The following DEF8 variants were observed in gnomAD, a reference collection of about 807,000 sequenced individuals.
DEF8 encodes differentially expressed in FDCP 8 homolog, also known as DEF-8.
A neutral mutation model predicts 59.1 loss-of-function variants in DEF8; 38 were observed. The ratio of observed to expected loss-of-function variants is 0.64; its 90% CI spans 0.50 to 0.84. The LOEUF (loss-of-function observed/expected upper bound fraction) is 0.84, where lower values mean the gene tolerates loss of function less well. Among genes scored for constraint, DEF8 ranks in the 40% least tolerant of loss-of-function variants. The pLI is 0.00. For synonymous variants in DEF8, 265 were observed against 250.1 expected (o/e 1.06, Z -0.56); for missense variants, 557 against 615.2 (o/e 0.91, Z 1.00).
intron 5 of DEF8, chr16:89,957,932 G>T: frequency 3.5e-6 from 1 of 284,632 alleles, no homozygotes; most frequent in Non-Finnish European, 6.6e-6. Flanking sequence ...GTATTTGCTT[G>T]GTGACTGGAA....
At chr16:89,963,994 G>A in intron 10 of DEF8, 176 bp from the exon 11 acceptor site, 1 of 834,260 alleles carries the variant, frequency 1.2e-6, no homozygotes. Flanking sequence ...ACGTGGCCCG[G>A]GTCCATCTTC....
At chr16:89,964,640 C>T in intron 12 of DEF8, 65 bp downstream of exon 12, 3 of 1,277,910 alleles carry the variant, frequency 2.3e-6, no homozygotes, top group Non-Finnish European at 3.3e-6. Flanking sequence ...GGGAGCTGCC[C>T]CTTGGCCTCC....
At chr16:89,953,604 T>C (rs1289768841) in intron 2 of DEF8, among the ~76,000 whole-genome samples, 1 of 152,176 alleles carries the variant, frequency 6.6e-6, no homozygotes, top group Non-Finnish European at 1.5e-5. Context: ...AGGGGGCTTC[T>C]CTGTGTGCTG....
chr16:89,953,582 G>C (rs1167528137), intron 2 of DEF8, among the ~76,000 whole-genome samples: 1 of 152,218 alleles, frequency 6.6e-6, no homozygotes, highest in Non-Finnish European at 1.5e-5. Context: ...CAGAGAGCCT[G>C]GATGCATTTG....
chr16:89,957,132 G>A (rs966973699), intron 4 of DEF8: 2 of 162,842 alleles, frequency 1.2e-5, no homozygotes, highest in African/African-American at 4.8e-5. Context: ...GCCACTTACT[G>A]TCCTTCATGA....
intron 6 of DEF8, among the ~76,000 whole-genome samples, chr16:89,960,504 G>A (rs912408153): frequency 1.3e-5 from 2 of 151,972 alleles, no homozygotes; most frequent in African/African-American, 4.8e-5. Flanking sequence ...GCAAGACCCT[G>A]TCTCTTAAAA....
rs377747411 is a variant in DEF8 at position 89,958,992 on chromosome 16, C to G, written c.373-22C>G. ...TTCAGCCCAGCTCACCTGTGACCCC[C>G]TCCCTGACTCACCCTCTGCAGGACC... On this transcript the variant is annotated intron_variant, in intron 5 of 12. Coordinates refer to ENST00000563594, the MANE Select transcript of DEF8 (RefSeq NM_001242818.2). 2.4e-5 allele frequency: 38 copies of G among 1,607,438 alleles called. 1 individual carries two copies. The East Asian group carries it at 3.8e-4, about 16-fold the overall frequency.
intron 1 of DEF8, among the ~76,000 whole-genome samples, 200 bp downstream of exon 1, chr16:89,949,014 G>C (rs1468694761): frequency 4.2e-5 from 3 of 71,558 alleles, no homozygotes; most frequent in African/African-American, 2.5e-4. Context: ...TCGGGGCTGG[G>C]AGGGACGGGG....
Position 89,959,163 on chromosome 16 carries a change from G to A in DEF8, c.514+8G>A, listed in dbSNP as rs1191098217. 1.3e-5 allele frequency: 21 copies of A among 1,613,770 alleles called. No homozygotes were observed. The highest frequency in any genetic ancestry group is 8.3e-5 in the Admixed American group (5 of 60,006). ...CCTGGTACACCTGCACAGGTGGGCC[G>A]AGACCCAGACGAGGAGTGAGGAATG... On this transcript the variant is annotated splice_region_variant and intron_variant, in intron 6 of 12. Transcript: ENST00000563594.
At chr16:89,955,626 G>C (rs901089307) in intron 4 of DEF8, among the ~76,000 whole-genome samples, 116 of 152,296 alleles carry the variant, frequency 7.6e-4, no homozygotes, top group African/African-American at 2.7e-3. Flanking sequence ...CTGTACACTT[G>C]CCGAGAGTCA....
chr16:89,949,279 T>G (rs2031487257), intron 1 of DEF8, 138 bp from the exon 2 acceptor site: 1 of 719,566 alleles, frequency 1.4e-6, no homozygotes, highest in Admixed American at 3.1e-5. Context: ...CGCCCTGGGC[T>G]GCTCCGAGCC....
At chr16:89,952,293 C>T (rs1396823228) in intron 2 of DEF8, among the ~76,000 whole-genome samples, 3 of 152,196 alleles carry the variant, frequency 2.0e-5, no homozygotes, top group Non-Finnish European at 4.4e-5. Flanking sequence ...CTACCACGCC[C>T]GGCCCATTAC....
rs1270139523 is a variant in DEF8 at position 89,968,042 on chromosome 16, A to G, written c.*2079A>G. The stretch of plus-strand genomic sequence containing the variant: ...GTAACAATGCTGCTGTCACTGTCTC[A>G]TTAAATATACATCCTTTAGCCTGGT... On this transcript the variant is annotated 3_prime_UTR_variant, in exon 13 of 13. Coordinates refer to ENST00000563594, the MANE Select transcript of DEF8 (RefSeq NM_001242818.2). 3 of 152,364 alleles carry G rather than the reference A, an allele frequency of 2.0e-5. No homozygotes were observed. Among genetic ancestry groups the G allele is most frequent in the Admixed American group, 6.5e-5 (1 of 15,294 alleles). 9.4% of individuals were successfully genotyped at this position (152,364 alleles called of 1,614,324 possible).
In DEF8 at chr16:89,954,492, C is replaced by G; in HGVS notation, c.124+116C>G. ...CCCTGGCTTTCCCACGGAGCCGGCACCTGCTGGCTGTGTTCTTTTTCCCAT... is the reference window on the plus strand; with the variant it reads ...CCCTGGCTTTCCCACGGAGCCGGCAGCTGCTGGCTGTGTTCTTTTTCCCAT... On this transcript the variant is annotated intron_variant, in intron 3 of 12. Coordinates refer to ENST00000563594, the MANE Select transcript of DEF8 (RefSeq NM_001242818.2). The surrounding 1 kb of genome is among the most constrained non-coding windows in gnomAD (Gnocchi z 4.3). 19 of 1,144,150 alleles carry G rather than the reference C, an allele frequency of 1.7e-5. No individual in the cohort carries two copies. The highest frequency in any genetic ancestry group is 2.4e-5 in the East Asian group (1 of 40,982). The allele number at this position is 1,144,150 out of a possible 1,614,324, so 70.9% of individuals were successfully genotyped here. A position where few individuals can be genotyped will look rare whatever the true frequency, so the allele number is the denominator to read the frequency against.
chr16:89,963,524 A>G, intron 10 of DEF8, 81 bp downstream of exon 10: 1 of 1,258,468 alleles, frequency 7.9e-7, no homozygotes, highest in Non-Finnish European at 1.1e-6. Context: ...TTTTTTCCGG[A>G]CAGCTTGTGC....
rs1258465611 is a variant in DEF8, at chr16:89,948,794, CAG to C, written c.-126_-125del. 1 of 982,490 alleles carries C rather than the reference CAG, an allele frequency of 1.0e-6. No homozygotes were observed. Among genetic ancestry groups the C allele is most frequent in the African/African-American group, 1.8e-5 (1 of 56,008 alleles). 60.9% of individuals were successfully genotyped at this position (982,490 alleles called of 1,614,324 possible). A position where few individuals can be genotyped will look rare whatever the true frequency, so the allele number is the denominator to read the frequency against. Reference sequence around the variant, plus strand: ...GGGCGGATCCAGCGCAGCCGGGAGACAGATGCGAGGCGGCGGTCAGGTGAGCG... The same window carrying C: ...GGGCGGATCCAGCGCAGCCGGGAGACATGCGAGGCGGCGGTCAGGTGAGCG... On this transcript the variant is annotated 5_prime_UTR_variant, in exon 1 of 13. In the 5' UTR this introduces an upstream ATG that the reference lacks. Transcript: ENST00000563594.
At position 89,954,065 on chromosome 16, in the gene DEF8, G is replaced by A. The variant is rs2032685286; in HGVS notation, c.-10-178G>A. On this transcript the variant is annotated intron_variant, in intron 2 of 12. Coordinates refer to ENST00000563594, the MANE Select transcript of DEF8 (RefSeq NM_001242818.2). The surrounding 1 kb of genome is among the most constrained non-coding windows in gnomAD (Gnocchi z 4.3). Reference sequence around the variant, plus strand: ...CCACCAGTGGGGGCCTGGGCAGGAGGCAGCTGAGGTGTTTCAGGAAAAGGC... The same window carrying A: ...CCACCAGTGGGGGCCTGGGCAGGAGACAGCTGAGGTGTTTCAGGAAAAGGC... 2 of 635,658 alleles carry A rather than the reference G, an allele frequency of 3.1e-6. No homozygotes were observed. Among genetic ancestry groups the A allele is most frequent in the African/African-American group, 1.8e-5 (1 of 54,206 alleles). The allele number at this position is 635,658 out of a possible 1,614,324, so 39.4% of individuals were successfully genotyped here.
intron 2 of DEF8, 121 bp downstream of exon 2, chr16:89,949,634 G>T (rs1350296897): frequency 6.2e-7 from 1 of 1,610,682 alleles, no homozygotes; most frequent in Admixed American, 1.7e-5. Flanking sequence ...GACGCGGGAG[G>T]CCAGGTCCGT....
intron 12 of DEF8, among the ~76,000 whole-genome samples, chr16:89,964,787 C>T (rs2034465608): frequency 6.6e-6 from 1 of 152,134 alleles, no homozygotes; most frequent in South Asian, 2.1e-4. Context: ...CCCTTAGGAG[C>T]GGCACCTGGG....
Sources: gnomAD v4.1 joint callset for allele counts (sites outside exome capture counted in the v4.1 genomes callset) on GRCh38, gnomAD v4.1.1 for gene constraint, Gnocchi (gnomAD v3.1) non-coding constraint, MANE v1.5 for transcripts, NCBI Gene and HGNC (gene_info 2026-07-23, HGNC 2026-07-21) for gene names.